The following SNX29 variants were observed in gnomAD, a reference collection of about 807,000 sequenced individuals.
SNX29 encodes sorting nexin-29.
Under a neutral mutation model 102.1 loss-of-function variants are expected in SNX29, and 78 were observed. That is an observed-to-expected ratio of 0.76 (90% CI 0.64 to 0.92). The LOEUF (loss-of-function observed/expected upper bound fraction) is 0.92. SNX29 is among the 40% of genes least tolerant of loss of function. The pLI, the probability that SNX29 is intolerant of heterozygous loss-of-function variation, is 0.00. For missense variants in SNX29, 1,280 were observed against 1,061.7 expected (o/e 1.21, Z -2.86); for synonymous variants, 580 against 414.5 (o/e 1.40, Z -4.85).
At chr16:12,493,116 C>G (rs1597596219) in intron 19 of SNX29, among the ~76,000 whole-genome samples, 1 of 152,188 alleles carries the variant, frequency 6.6e-6, no homozygotes, top group African/African-American at 2.4e-5. Flanking sequence ...TATAAATTAC[C>G]TTGGGCAGTA....
chr16:12,350,620 G>A (rs970426114), intron 15 of SNX29, among the ~76,000 whole-genome samples: 6 of 152,114 alleles, frequency 3.9e-5, no homozygotes, highest in Non-Finnish European at 7.4e-5. Flanking sequence ...GGTGACAAGT[G>A]GAGGAGCTTC....
chr16:12,214,333 C>G (rs1362809829), intron 14 of SNX29, among the ~76,000 whole-genome samples: 1 of 152,214 alleles, frequency 6.6e-6, no homozygotes, highest in African/African-American at 2.4e-5. Context: ...TCGTCATTAA[C>G]TTTTTGGGGC....
At chr16:12,033,203 A>G (rs2057390165) in intron 4 of SNX29, among the ~76,000 whole-genome samples, 1 of 152,080 alleles carries the variant, frequency 6.6e-6, no homozygotes, top group South Asian at 2.1e-4. Flanking sequence ...TTAATTGTAT[A>G]CATGGGGAGA....
chr16:12,101,301 C>CTTTTTTTTTTT (rs1212782573), intron 11 of SNX29, among the ~76,000 whole-genome samples: 6 of 118,566 alleles, frequency 5.1e-5, no homozygotes, highest in African/African-American at 7.1e-5. Context: ...CCCCCCCCAA[C>CTTTTTTTTTTT]TTTTTTTTTT....
Position 12,283,681 on chromosome 16 carries a change from A to G in SNX29, c.1782+5645A>G, listed in dbSNP as rs116844532. On this transcript the variant is annotated intron_variant, in intron 15 of 20. Coordinates refer to ENST00000566228, the MANE Select transcript of SNX29 (RefSeq NM_032167.5). ...TGCATTAGCTCTTCCTCATGCCAAG[A>G]GTGGTCCTAAGTTACAAAAATGAAT... Among the ~76,000 whole-genome samples the G allele has an allele frequency of 9.2e-3, 1,402 of 152,310 alleles. 13 individuals are homozygous for G. The highest frequency in any genetic ancestry group is 0.014 in the Non-Finnish European group (942 of 68,028).
intron 11 of SNX29, among the ~76,000 whole-genome samples, chr16:12,104,788 A>C (rs957768656): frequency 6.6e-6 from 1 of 152,204 alleles, no homozygotes; most frequent in Admixed American, 6.5e-5. Context: ...TCTTTGTTAA[A>C]AATAGTTGGC....
At chr16:12,135,567 G>A (rs944533422) in intron 13 of SNX29, 1 of 1,332,224 alleles carries the variant, frequency 7.5e-7, no homozygotes, top group Non-Finnish European at 9.9e-7. Context: ...TTGCTATTTT[G>A]TGAGGAGATT....
At chr16:12,309,040 GTC>G (rs977879060) in intron 15 of SNX29, among the ~76,000 whole-genome samples, 10 of 152,326 alleles carry the variant, frequency 6.6e-5, no homozygotes, top group African/African-American at 2.2e-4. Context: ...TGGAAAGGTT[GTC>G]TCTCTTTGGG....
chr16:12,510,886 G>A (rs1597667946), intron 19 of SNX29, among the ~76,000 whole-genome samples: 2 of 152,170 alleles, frequency 1.3e-5, no homozygotes, highest in East Asian at 1.9e-4. Flanking sequence ...GCCAAGCACC[G>A]TGGAGGGTAG....
At chr16:12,158,722 C>T (rs545667554) in intron 13 of SNX29, among the ~76,000 whole-genome samples, 3 of 152,204 alleles carry the variant, frequency 2.0e-5, no homozygotes, top group African/African-American at 7.2e-5. Flanking sequence ...CGGGGTAGCC[C>T]GAGTGGAACC....
At chr16:12,453,227 C>T (rs555088067) in intron 18 of SNX29, among the ~76,000 whole-genome samples, 5 of 152,312 alleles carry the variant, frequency 3.3e-5, no homozygotes, top group South Asian at 2.1e-4. Context: ...CCATGGCAGA[C>T]GTGGCCAATC....
At chr16:12,418,857 C>T (rs1472845666) in intron 18 of SNX29, among the ~76,000 whole-genome samples, 1 of 152,178 alleles carries the variant, frequency 6.6e-6, no homozygotes, top group African/African-American at 2.4e-5. Flanking sequence ...CAGTTCCCAT[C>T]TTGCAGTTTC....
intron 13 of SNX29, 129 bp from the exon 14 acceptor site, chr16:12,199,471 TA>T: frequency 1.5e-6 from 1 of 685,786 alleles, no homozygotes. Flanking sequence ...ACCATGAGAA[TA>T]TATTAACATT....
chr16:12,386,560 G>A (rs142230152), intron 16 of SNX29, among the ~76,000 whole-genome samples: 222 of 152,280 alleles, frequency 1.5e-3, no homozygotes, highest in Non-Finnish European at 2.4e-3. Flanking sequence ...GTCCCAGATA[G>A]CAAGTGTGAC....
intron 5 of SNX29, 110 bp downstream of exon 5, chr16:12,043,187 T>C (rs1202933193): frequency 1.4e-6 from 2 of 1,392,824 alleles, no homozygotes; most frequent in East Asian, 5.0e-5. Context: ...CTGGGGGAAG[T>C]GGGCCTCCCT....
intron 14 of SNX29, among the ~76,000 whole-genome samples, chr16:12,237,210 C>T (rs979829606): frequency 6.6e-6 from 1 of 152,152 alleles, no homozygotes; most frequent in Non-Finnish European, 1.5e-5. Context: ...CTCCTCACCC[C>T]CACCAGCATA....
rs539125055 is a variant in SNX29 at position 12,025,185 on chromosome 16, C to A, written c.123-2135C>A. Among the ~76,000 whole-genome samples the A allele has an allele frequency of 6.7e-4, 102 of 151,584 alleles. 1 individual carries two copies. Among genetic ancestry groups the A allele is most frequent in the African/African-American group, 2.4e-3 (97 of 41,264 alleles). ...GGCATGGTGGCAGGCGCCTGTATTC[C>A]CAGCTACATGGGAGGCTGAGGCAGG... On this transcript the variant is annotated intron_variant, in intron 3 of 20. Transcript: ENST00000566228.
At chr16:12,041,310 G>A (rs969665294) in intron 4 of SNX29, among the ~76,000 whole-genome samples, 7 of 151,984 alleles carry the variant, frequency 4.6e-5, no homozygotes, top group Non-Finnish European at 1.0e-4. Flanking sequence ...TGGGGTTTCA[G>A]CATGTTGGCC....
chr16:12,012,465 G>C (rs1048014886), intron 3 of SNX29, among the ~76,000 whole-genome samples: 1 of 152,112 alleles, frequency 6.6e-6, no homozygotes, highest in Non-Finnish European at 1.5e-5. Flanking sequence ...CTGGAGTACA[G>C]TGGTGCAGTC....
Sources: allele counts gnomAD v4.1 joint callset (sites outside exome capture counted in the v4.1 genomes callset), GRCh38; gene constraint gnomAD v4.1.1; transcripts MANE v1.5; gene names NCBI Gene and HGNC (gene_info 2026-07-23, HGNC 2026-07-21).